The following CACNA1G variants were observed in gnomAD, a reference collection of about 807,000 sequenced individuals.
The protein encoded by CACNA1G is voltage-dependent T-type calcium channel subunit alpha-1G.
In CACNA1G, 67 loss-of-function variants were observed where a neutral mutation model predicts 219.4. The ratio of observed to expected loss-of-function variants is 0.31; its 90% CI spans 0.25 to 0.37. The LOEUF is 0.37. Among genes scored for constraint, CACNA1G ranks in the 10% least tolerant of loss-of-function variants. CACNA1G has a pLI of 1.00. For synonymous variants in CACNA1G, 1,296 were observed against 1,345.3 expected, an observed-to-expected ratio of 0.96 and a Z score of 0.80; for missense variants, 2,380 against 3,231.4, an observed-to-expected ratio of 0.74 and a Z score of 6.39.
Position 50,626,221 on chromosome 17 carries a change from C to T in CACNA1G, c.6604C>T (p.Pro2202Ser). 2 of 1,613,804 alleles carry T rather than the reference C, an allele frequency of 1.2e-6. No individual in the cohort carries two copies. Among genetic ancestry groups the T allele is most frequent in the Non-Finnish European group, 1.7e-6 (2 of 1,179,850 alleles). The change falls in exon 38 of 38, where the codon CCC becomes TCC. Residue 2202 changes from proline (P) to serine (S), a missense_variant. Physicochemically the swap from Pro to Ser is moderately conservative, Grantham distance 74. Coordinates refer to ENST00000359106, the MANE Select transcript of CACNA1G (RefSeq NM_018896.5). The surrounding 1 kb of genome is among the most constrained non-coding windows in gnomAD (Gnocchi z 4.3). Reference sequence around the variant, plus strand: ...GCCAGCCCCTTGCCCAGGCCCAGAACCCAACTGGGGCAAGGGCCCTCCAGA... The same window carrying T: ...GCCAGCCCCTTGCCCAGGCCCAGAATCCAACTGGGGCAAGGGCCCTCCAGA... ...TPPAPCPGPEPNWGKGPPETR... is the reference protein window; with the variant it reads ...TPPAPCPGPESNWGKGPPETR...
chr17:50,575,856 C>T lies in CACNA1G; in HGVS notation c.1454C>T (p.Ser485Phe). ...ETQPSSSCSR[S>F]HRRLSVHHLV... ...CAGCCCAGCAGCAGCTGCTCTCGCT[C>T]CCACCGCCGCCTATCCGTCCACCAC... The change falls in exon 8 of 38, where the codon TCC becomes TTC. Residue 485 changes from serine (S) to phenylalanine (F), a missense_variant. Physicochemically the swap from Ser to Phe is radical, Grantham distance 155. Transcript: ENST00000359106. The T allele has an allele frequency of 4.5e-6, 7 of 1,549,638 alleles. No individual in the cohort carries two copies. The highest frequency in any genetic ancestry group is 6.1e-6 in the Non-Finnish European group (7 of 1,147,554).
chr17:50,573,014 C>A lies in CACNA1G; in HGVS notation c.1048-7C>A. 1 of 1,576,616 alleles carries A rather than the reference C, an allele frequency of 6.3e-7. No individual in the cohort carries two copies. ...CCATAGTCAGCCTGCCCCTCTGCAC[C>A]CCCTAGGTCATCACGCTGGAGGGCT... is the stretch of plus-strand genomic sequence containing the variant. On this transcript the variant is annotated splice_region_variant and splice_polypyrimidine_tract_variant and intron_variant, in intron 6 of 37. Coordinates refer to ENST00000359106, the MANE Select transcript of CACNA1G (RefSeq NM_018896.5).
intron 25 of CACNA1G, 85 bp from the exon 26 acceptor site, chr17:50,609,797 G>T: frequency 8.5e-7 from 1 of 1,170,746 alleles, no homozygotes; most frequent in Non-Finnish European, 1.2e-6. Context: ...GAGTGAGGTG[G>T]GAGCTGAGGG....
rs908061418 is a variant in CACNA1G, at chr17:50,596,326, C to T, written c.2980-236C>T. Among the ~76,000 whole-genome samples the T allele has an allele frequency of 6.6e-6, 1 of 152,178 alleles. No homozygotes were observed. Among genetic ancestry groups the T allele is most frequent in the African/African-American group, 2.4e-5 (1 of 41,430 alleles). On this transcript the variant is annotated intron_variant, in intron 14 of 37. Transcript: ENST00000359106. The surrounding 1 kb of genome is among the most constrained non-coding windows in gnomAD (Gnocchi z 4.8). ...AGCCAGGCTGGTTGTGCTGTGGGCT[C>T]ACATAAGCTGTGGCCTTTTCTGAGG... is the stretch of plus-strand genomic sequence containing the variant.
chr17:50,588,555 G>A (rs988683727), intron 9 of CACNA1G, among the ~76,000 whole-genome samples: 7 of 152,122 alleles, frequency 4.6e-5, no homozygotes, highest in South Asian at 2.1e-4. Context: ...TCCTGGCCCC[G>A]CCCCACCTCC....
Position 50,561,490 on chromosome 17 carries a change from G to A in CACNA1G, c.31G>A (p.Glu11Lys), listed in dbSNP as rs765852610. MDEEEDGAGA[E>K]ESGQPRSFMR... Reference sequence around the variant, plus strand: ...CGAGGAGGAGGATGGAGCGGGCGCCGAGGAGTCGGGACAGCCCCGGAGCTT... The same window carrying A: ...CGAGGAGGAGGATGGAGCGGGCGCCAAGGAGTCGGGACAGCCCCGGAGCTT... Residue 11 changes from glutamate (E) to lysine (K), a missense_variant, in exon 1 of 38, where the codon GAG becomes AAG. This residue lies in a region of CACNA1G where 98 missense variants were observed against 85.5 expected (regional missense o/e 1.15). Coordinates refer to ENST00000359106, the MANE Select transcript of CACNA1G (RefSeq NM_018896.5). 1 of 1,535,286 alleles carries A rather than the reference G, an allele frequency of 6.5e-7. No homozygotes were observed.
intron 27 of CACNA1G, 28 bp from the exon 28 acceptor site, chr17:50,616,247 C>A: frequency 7.1e-7 from 1 of 1,417,638 alleles, no homozygotes; most frequent in Non-Finnish European, 1.0e-6. Flanking sequence ...CCTTAAGGGA[C>A]CCTGCATCTT....
At chr17:50,579,465 G>C (rs1413208811) in intron 9 of CACNA1G, among the ~76,000 whole-genome samples, 2 of 152,114 alleles carry the variant, frequency 1.3e-5, no homozygotes, top group Admixed American at 6.5e-5. Flanking sequence ...AGGCACCATG[G>C]GTCCTCACAA....
chr17:50,572,681 G>T lies in CACNA1G; in HGVS notation c.874G>T (p.Gly292Trp), dbSNP rs577320837. The change falls in exon 6 of 38, where the codon GGG becomes TGG. Residue 292 changes from glycine (G) to tryptophan (W), a missense_variant. Coordinates refer to ENST00000359106, the MANE Select transcript of CACNA1G (RefSeq NM_018896.5). ...CRSVPTLRGD[G>W]GGGPPCGLDY... ...AAGCGTGCCCACGCTGCGCGGGGAC[G>T]GGGGCGGTGGCCCACCTTGCGGTCT... is the stretch of plus-strand genomic sequence containing the variant. The T allele has an allele frequency of 6.2e-7, 1 of 1,612,342 alleles. No individual in the cohort carries two copies. The highest frequency in any genetic ancestry group is 1.3e-5 in the African/African-American group (1 of 75,040).
At position 50,571,201 on chromosome 17, in the gene CACNA1G, G is replaced by T. The variant is rs1378999348; in HGVS notation, c.587-677G>T. Among the ~76,000 whole-genome samples, 1 of 152,212 alleles carries T rather than the reference G, an allele frequency of 6.6e-6. No homozygotes were observed. The highest frequency in any genetic ancestry group is 1.5e-5 in the Non-Finnish European group (1 of 68,030). On this transcript the variant is annotated intron_variant, in intron 4 of 37. Coordinates refer to ENST00000359106, the MANE Select transcript of CACNA1G (RefSeq NM_018896.5). The surrounding 1 kb of genome is among the most constrained non-coding windows in gnomAD (Gnocchi z 4.3). ...CTTCAGGTCCTGATTTGGGGATCTG[G>T]ACCAAGCAGGGAATAGTTTCAGGGA...
chr17:50,567,184 A>G (rs1384100231), intron 1 of CACNA1G, among the ~76,000 whole-genome samples: 1 of 152,222 alleles, frequency 6.6e-6, no homozygotes, highest in Non-Finnish European at 1.5e-5. Flanking sequence ...CCGTGGAAAC[A>G]GAGCACTTTT....
intron 26 of CACNA1G, among the ~76,000 whole-genome samples, chr17:50,612,449 C>T (rs2049415436): frequency 1.3e-5 from 2 of 152,242 alleles, no homozygotes; most frequent in Admixed American, 1.3e-4. Context: ...GGCTAAGCCT[C>T]CAACACCAGC....
chr17:50,579,688 C>T (rs2041506636), intron 9 of CACNA1G, among the ~76,000 whole-genome samples: 1 of 152,308 alleles, frequency 6.6e-6, no homozygotes, highest in East Asian at 1.9e-4. Flanking sequence ...CAGAACCCAA[C>T]CTTCCCTGGT....
Position 50,618,569 on chromosome 17 carries a change from GCT to G in CACNA1G, c.5428-83_5428-82del. On this transcript the variant is annotated intron_variant, in intron 32 of 37. Transcript: ENST00000359106. This position sits in a 1 kb window ranked among gnomAD's most constrained non-coding sequence, Gnocchi z 5.3. ...CTCCCCTTCCTTCCCATCCTCCAAT[GCT>G]CTGTGACACCAGTGACCTGATTTTC... The G allele has an allele frequency of 8.8e-7, 1 of 1,131,556 alleles. No homozygotes were observed. Among genetic ancestry groups the G allele is most frequent in the Admixed American group, 2.0e-5 (1 of 50,228 alleles). 70.1% of individuals were successfully genotyped at this position (1,131,556 alleles called of 1,614,324 possible).
At chr17:50,584,796 C>G (rs1598291185) in intron 9 of CACNA1G, among the ~76,000 whole-genome samples, 1 of 151,814 alleles carries the variant, frequency 6.6e-6, no homozygotes, top group South Asian at 2.1e-4. Flanking sequence ...GGGCTGGGGG[C>G]TGCAGAGTCC....
chr17:50,607,181 G>A, intron 24 of CACNA1G, 192 bp downstream of exon 24: 2 of 654,570 alleles, frequency 3.1e-6, no homozygotes. Context: ...TGTTTAACAT[G>A]TTTTGAATTA....
At position 50,613,222 on chromosome 17, in the gene CACNA1G, A is replaced by C. The variant is rs546868498; in HGVS notation, c.4760-2139A>C. ...TGCCTGGCTTCATTCTCTCCCTCTG[A>C]AAAACAAAGGGGTTGCCCGAGGAGA... On this transcript the variant is annotated intron_variant, in intron 26 of 37. Coordinates refer to ENST00000359106, the MANE Select transcript of CACNA1G (RefSeq NM_018896.5). Among the ~76,000 whole-genome samples the C allele has an allele frequency of 2.0e-5, 3 of 152,308 alleles. No individual in the cohort carries two copies. In the East Asian group the frequency reaches 5.8e-4, roughly 29 times the overall value.
At position 50,618,562 on chromosome 17, in the gene CACNA1G, C is replaced by G; in HGVS notation, c.5428-93C>G. On this transcript the variant is annotated intron_variant, in intron 32 of 37. Coordinates refer to ENST00000359106, the MANE Select transcript of CACNA1G (RefSeq NM_018896.5). This position sits in a 1 kb window ranked among gnomAD's most constrained non-coding sequence, Gnocchi z 5.3. Reference sequence around the variant, plus strand: ...CCTCCTCCTCCCCTTCCTTCCCATCCTCCAATGCTCTGTGACACCAGTGAC... The same window carrying G: ...CCTCCTCCTCCCCTTCCTTCCCATCGTCCAATGCTCTGTGACACCAGTGAC... The G allele has an allele frequency of 9.1e-7, 1 of 1,101,070 alleles. No individual in the cohort carries two copies. 68.2% of individuals were successfully genotyped at this position (1,101,070 alleles called of 1,614,324 possible).
rs1240563255 is a variant in CACNA1G, at chr17:50,569,262, C to T, written c.452C>T (p.Thr151Ile). 1.2e-6 allele frequency: 2 copies of T among 1,613,722 alleles called. No individual in the cohort carries two copies. Among genetic ancestry groups the T allele is most frequent in the African/African-American group, 1.3e-5 (1 of 74,886 alleles). Residue 151 changes from threonine to isoleucine, a missense_variant, in exon 3 of 38, where the codon ACT (threonine) becomes ATT (isoleucine). Coordinates refer to ENST00000359106, the MANE Select transcript of CACNA1G (RefSeq NM_018896.5). ...IFGKKCYLGD[T>I]WNRLDFFIVI... The stretch of plus-strand genomic sequence containing the variant: ...GGGAAAAAGTGTTACCTGGGAGACA[C>T]TTGGAACCGGCTTGACTTTTTCATC...
Sources: allele counts gnomAD v4.1 joint callset (sites outside exome capture counted in the v4.1 genomes callset), GRCh38; gene constraint gnomAD v4.1.1; regional missense constraint gnomAD v4.1.1; non-coding constraint Gnocchi (gnomAD v3.1); transcripts MANE v1.5; gene names NCBI Gene and HGNC (gene_info 2026-07-23, HGNC 2026-07-21).